The following MOCOS variants were observed in gnomAD, a reference collection of about 807,000 sequenced individuals.
The protein encoded by MOCOS is human molybdenum cofactor sulfurase.
MOCOS carries 86 observed loss-of-function variants against 83.6 expected under a neutral mutation model. That is an observed-to-expected ratio of 1.03 (90% confidence interval 0.86 to 1.23). The LOEUF is 1.23. MOCOS is among the 50% of genes most tolerant of loss of function. MOCOS has a pLI of 0.00. For synonymous variants in MOCOS, 445 were observed against 434.7 expected, an observed-to-expected ratio of 1.02 and a Z score of -0.29; for missense variants, 1,120 against 1,126.9, an observed-to-expected ratio of 0.99 and a Z score of 0.09.
intron 1 of MOCOS, among the ~76,000 whole-genome samples, chr18:36,191,040 A>AAAAAAAAG (rs1555650788): frequency 1.4e-5 from 2 of 146,610 alleles, no homozygotes; most frequent in Non-Finnish European, 3.0e-5. Context: ...AAGAAAAAGA[A>AAAAAAAAG]AAAAAAGTGT....
chr18:36,192,841 G>A (rs1043209394), intron 1 of MOCOS, among the ~76,000 whole-genome samples: 27 of 151,960 alleles, frequency 1.8e-4, no homozygotes, highest in African/African-American at 6.5e-4. Context: ...TAGAGATGGG[G>A]TTTCACCATG....
At position 36,187,671 on chromosome 18, in the gene MOCOS, C is replaced by T; in HGVS notation, c.132C>T (p.Ser44=). 1.6e-6 allele frequency: 2 copies of T among 1,262,462 alleles called. No homozygotes were observed. The highest frequency in any genetic ancestry group is 3.6e-5 in the South Asian group (1 of 28,008). 78.2% of individuals were successfully genotyped at this position (1,262,462 alleles called of 1,614,324 possible). ...SLRELRAREF[S]RLAGTVYLDH... ...GCGAGCTGCGGGCGCGCGAGTTCAG[C>T]CGCCTGGCAGGTGAGGCGGGCGGGC... Residue 44 remains serine, a synonymous_variant, in exon 1 of 15, where the codon AGC becomes AGT. Coordinates refer to ENST00000261326, the MANE Select transcript of MOCOS (RefSeq NM_017947.4).
chr18:36,214,244 C>G (rs1464606559), intron 7 of MOCOS, among the ~76,000 whole-genome samples: 1 of 91,396 alleles, frequency 1.1e-5, no homozygotes, highest in Non-Finnish European at 2.1e-5. Flanking sequence ...AACTCAGTCT[C>G]AAAAAAAAAA....
At chr18:36,207,991 C>T (rs2091440655) in intron 6 of MOCOS, among the ~76,000 whole-genome samples, 1 of 152,074 alleles carries the variant, frequency 6.6e-6, no homozygotes, top group African/African-American at 2.4e-5. Context: ...GGAAAGGGTC[C>T]CATTTCAATC....
intron 9 of MOCOS, among the ~76,000 whole-genome samples, chr18:36,232,043 T>C (rs988846734): frequency 6.6e-6 from 1 of 152,316 alleles, no homozygotes; most frequent in South Asian, 2.1e-4. Flanking sequence ...CTCAGCTCAC[T>C]GCAACCTCCA....
At chr18:36,196,451 G>A (rs2091387988) in intron 2 of MOCOS, among the ~76,000 whole-genome samples, 1 of 152,120 alleles carries the variant, frequency 6.6e-6, no homozygotes, top group South Asian at 2.1e-4. Flanking sequence ...GGAGGAGCTA[G>A]AAGCTGTGTT....
intron 9 of MOCOS, among the ~76,000 whole-genome samples, chr18:36,226,913 G>T (rs2091518122): frequency 1.3e-5 from 2 of 148,882 alleles, no homozygotes; most frequent in African/African-American, 2.5e-5. Context: ...TTGAGACAGG[G>T]TCTTGCTCTG....
chr18:36,232,829 T>G (rs1472665638), intron 9 of MOCOS, among the ~76,000 whole-genome samples: 1 of 149,184 alleles, frequency 6.7e-6, no homozygotes, highest in Non-Finnish European at 1.5e-5. Context: ...AATTTCCTTC[T>G]TTTTTATGGC....
chr18:36,213,325 A>T (rs1445784056), intron 6 of MOCOS, 41 bp from the exon 7 acceptor site: 6 of 1,479,914 alleles, frequency 4.1e-6, no homozygotes, highest in Non-Finnish European at 5.7e-6. Flanking sequence ...GTAAAACTGC[A>T]CGTTGGTAAT....
chr18:36,214,016 C>T (rs765131466), intron 7 of MOCOS, among the ~76,000 whole-genome samples: 17 of 149,214 alleles, frequency 1.1e-4, no homozygotes, highest in Middle Eastern at 3.6e-3. Context: ...CCGAGGTGGG[C>T]GAGTCACCTG....
Position 36,195,361 on chromosome 18 carries a change from C to A in MOCOS, c.232+15C>A. ...AAACACTTATGGTAAAGAAAAACAC[C>A]TGAAACAGGTTTTAGTCAACTACAT... On this transcript the variant is annotated intron_variant, in intron 2 of 14. Coordinates refer to ENST00000261326, the MANE Select transcript of MOCOS (RefSeq NM_017947.4). The A allele has an allele frequency of 6.2e-7, 1 of 1,605,228 alleles. No homozygotes were observed. Among genetic ancestry groups the A allele is most frequent in the East Asian group, 2.2e-5 (1 of 44,838 alleles).
intron 9 of MOCOS, among the ~76,000 whole-genome samples, chr18:36,241,119 A>G (rs2091580908): frequency 6.6e-6 from 1 of 152,314 alleles, no homozygotes; most frequent in East Asian, 1.9e-4. Flanking sequence ...TGGGAGCTGT[A>G]GACCGGAGCT....
rs148396904 is a variant in MOCOS at position 36,268,791 on chromosome 18, T to A, written c.*106T>A. The A allele has an allele frequency of 1.9e-4, 184 of 984,190 alleles. No homozygotes were observed. The African/African-American group carries it at 2.7e-3, about 14-fold the overall frequency. 61.0% of individuals were successfully genotyped at this position (984,190 alleles called of 1,614,324 possible). ...GATGTTTTGAATAAGGAGAGCTCTT[T>A]TTCTTTAGAGGCAGGGAATGCTCTC... On this transcript the variant is annotated 3_prime_UTR_variant, in exon 15 of 15. Transcript: ENST00000261326.
At chr18:36,228,422 A>G (rs1409389067) in intron 9 of MOCOS, among the ~76,000 whole-genome samples, 1 of 152,252 alleles carries the variant, frequency 6.6e-6, no homozygotes, top group East Asian at 1.9e-4. Context: ...AAGGACATGG[A>G]ATCAACTTAA....
intron 13 of MOCOS, among the ~76,000 whole-genome samples, chr18:36,266,547 T>C (rs1555656831): frequency 6.6e-6 from 1 of 152,170 alleles, no homozygotes; most frequent in Non-Finnish European, 1.5e-5. Context: ...GTCCCTCTTT[T>C]CTTTGTCTGC....
intron 13 of MOCOS, 102 bp downstream of exon 13, chr18:36,260,277 C>G: frequency 2.0e-6 from 3 of 1,471,460 alleles, no homozygotes; most frequent in Admixed American, 3.4e-5. Flanking sequence ...CCTCCCAGTC[C>G]TTGTCTCTTA....
rs200972423 is a variant in MOCOS at position 36,191,089 on chromosome 18, GTCTC to G, written c.142+3414_142+3417del. Reference sequence around the variant, plus strand: ...CTTCACAAGCACCTTCTCTCTCTCTGTCTCTCTCTGTCTCTCCTGTCACCATATG... The same window carrying G: ...CTTCACAAGCACCTTCTCTCTCTCTGTCTCTGTCTCTCCTGTCACCATATG... On this transcript the variant is annotated intron_variant, in intron 1 of 14. Transcript: ENST00000261326. Among the ~76,000 whole-genome samples the G allele has an allele frequency of 1.3e-4, 20 of 149,092 alleles. No individual in the cohort carries two copies. The East Asian group carries it at 1.6e-3, about 12-fold the overall frequency.
chr18:36,195,388 CAGCTGATAT>C, intron 2 of MOCOS, 42 bp downstream of exon 2: 1 of 1,481,754 alleles, frequency 6.7e-7, no homozygotes, highest in Non-Finnish European at 9.4e-7. Context: ...CAACTACATG[CAGCTGATAT>C]ACCTGTGCAT....
chr18:36,258,250 G>T (rs533360957), intron 12 of MOCOS, among the ~76,000 whole-genome samples: 1 of 152,282 alleles, frequency 6.6e-6, no homozygotes, highest in East Asian at 1.9e-4. Context: ...CCGCTGGGCA[G>T]CTGATCCAAG....
Sources: allele counts gnomAD v4.1 joint callset (sites outside exome capture counted in the v4.1 genomes callset), GRCh38; gene constraint gnomAD v4.1.1; transcripts MANE v1.5; gene names NCBI Gene and HGNC (gene_info 2026-07-23, HGNC 2026-07-21).